The following IQCM variants were observed in gnomAD, a reference collection of about 807,000 sequenced individuals.
IQCM encodes IQ domain-containing protein M.
IQCM carries 45 observed loss-of-function variants against 57.6 expected under a neutral mutation model. That is an observed-to-expected ratio of 0.78 (90% CI 0.62 to 1.00). IQCM has a LOEUF of 1.00. Among genes scored for constraint, IQCM ranks in the 50% least tolerant of loss-of-function variants. The pLI is 0.00. For synonymous variants in IQCM, 148 were observed against 158.9 expected, an observed-to-expected ratio of 0.93 and a Z score of 0.51; for missense variants, 468 against 511.6, an observed-to-expected ratio of 0.91 and a Z score of 0.82.
At chr4:149,447,330 T>C (rs1736622955) in intron 12 of IQCM, among the ~76,000 whole-genome samples, 1 of 151,642 alleles carries the variant, frequency 6.6e-6, no homozygotes, top group South Asian at 2.1e-4. Context: ...CAACTCATAC[T>C]GAGGAGAAAA....
At chr4:149,473,378 T>C (rs1347249122) in intron 12 of IQCM, among the ~76,000 whole-genome samples, 2 of 152,168 alleles carry the variant, frequency 1.3e-5, no homozygotes, top group African/African-American at 4.8e-5. Context: ...GAAAAAATGT[T>C]CATCATCACT....
At chr4:149,421,312 A>T (rs779172439) in intron 13 of IQCM, among the ~76,000 whole-genome samples, 32 of 152,058 alleles carry the variant, frequency 2.1e-4, no homozygotes, top group Admixed American at 5.3e-4. Context: ...TTTTGCACAG[A>T]TATGTGTCGA....
At chr4:149,361,300 AAGAAAACCCCAT>A (rs1729464615) in intron 13 of IQCM, among the ~76,000 whole-genome samples, 1 of 152,186 alleles carries the variant, frequency 6.6e-6, no homozygotes. Flanking sequence ...TGCAATAGAA[AAGAAAACCCCAT>A]TTTCTGGGGA....
chr4:149,552,524 G>C (rs1454228500), intron 11 of IQCM, among the ~76,000 whole-genome samples: 1 of 152,076 alleles, frequency 6.6e-6, no homozygotes, highest in Non-Finnish European at 1.5e-5. Flanking sequence ...GAGATAATTT[G>C]TTCTATGAAT....
intron 10 of IQCM, among the ~76,000 whole-genome samples, chr4:149,560,536 AT>A (rs2149929180): frequency 6.6e-6 from 1 of 152,302 alleles, no homozygotes; most frequent in East Asian, 1.9e-4. Context: ...TGTCTTTATA[AT>A]TTTTAATATC....
At chr4:149,453,802 A>C (rs1302264541) in intron 12 of IQCM, among the ~76,000 whole-genome samples, 1 of 151,826 alleles carries the variant, frequency 6.6e-6, no homozygotes, top group Non-Finnish European at 1.5e-5. Flanking sequence ...TTTGCATAAG[A>C]GTTTGTCGGT....
At chr4:149,357,117 G>A (rs972717532) in intron 13 of IQCM, among the ~76,000 whole-genome samples, 9 of 152,186 alleles carry the variant, frequency 5.9e-5, no homozygotes, top group Non-Finnish European at 1.0e-4. Flanking sequence ...CTTTGCTGAA[G>A]TTGCTTATCA....
At chr4:149,646,183 C>A (rs1423228338) in intron 7 of IQCM, among the ~76,000 whole-genome samples, 4 of 152,254 alleles carry the variant, frequency 2.6e-5, no homozygotes, top group East Asian at 3.9e-4. Context: ...AATAGTTATT[C>A]TTTTATCGAG....
chr4:149,662,379 G>C (rs1346277766), intron 7 of IQCM, among the ~76,000 whole-genome samples: 2 of 152,012 alleles, frequency 1.3e-5, no homozygotes, highest in Non-Finnish European at 2.9e-5. Context: ...CCTGAAGAAT[G>C]TTCCATGTGC....
intron 12 of IQCM, among the ~76,000 whole-genome samples, chr4:149,477,820 G>C (rs1214870128): frequency 6.6e-6 from 1 of 152,036 alleles, no homozygotes; most frequent in East Asian, 1.9e-4. Flanking sequence ...AGGGTATACT[G>C]GGGGGAAAAA....
chr4:149,508,413 C>T (rs1744054351), intron 12 of IQCM, among the ~76,000 whole-genome samples: 1 of 152,142 alleles, frequency 6.6e-6, no homozygotes, highest in Non-Finnish European at 1.5e-5. Flanking sequence ...GCAGAGCTAC[C>T]CAAGACCATG....
chr4:149,735,183 A>C (rs1416428131), intron 4 of IQCM, among the ~76,000 whole-genome samples, 193 bp downstream of exon 4: 1 of 152,174 alleles, frequency 6.6e-6, no homozygotes, highest in Non-Finnish European at 1.5e-5. Flanking sequence ...AATTCATACA[A>C]CTAAAAAATC....
intron 2 of IQCM, among the ~76,000 whole-genome samples, chr4:149,811,989 T>C (rs1774608414): frequency 6.6e-6 from 1 of 152,224 alleles, no homozygotes; most frequent in Admixed American, 6.5e-5. Context: ...AAGGGCCTTC[T>C]AAGAGTTCCT....
intron 12 of IQCM, among the ~76,000 whole-genome samples, chr4:149,458,270 A>T: frequency 6.6e-6 from 1 of 152,052 alleles, no homozygotes; most frequent in East Asian, 1.9e-4. Flanking sequence ...ACCAACAAAG[A>T]ATGTAAAAGG....
Position 149,742,697 on chromosome 4 carries a change from G to A in IQCM, c.-6C>T. 1 of 1,231,130 alleles carries A rather than the reference G, an allele frequency of 8.1e-7. No individual in the cohort carries two copies. The highest frequency in any genetic ancestry group is 1.0e-6 in the Non-Finnish European group (1 of 987,194). 76.3% of individuals were successfully genotyped at this position (1,231,130 alleles called of 1,614,324 possible). ...ATAGCCTCTTCAGTAGTCATGAGGGGCAGTTAGAATGATCTTCTTTTTTAA... is the reference window on the plus strand; with the variant it reads ...ATAGCCTCTTCAGTAGTCATGAGGGACAGTTAGAATGATCTTCTTTTTTAA... On this transcript the variant is annotated 5_prime_UTR_variant, in exon 3 of 14. Coordinates refer to ENST00000636793, the MANE Select transcript of IQCM (RefSeq NM_001363507.2).
intron 7 of IQCM, among the ~76,000 whole-genome samples, chr4:149,653,669 A>T (rs889950281): frequency 6.6e-6 from 1 of 152,106 alleles, no homozygotes; most frequent in African/African-American, 2.4e-5. Context: ...TAAATTTTTA[A>T]ATCGGATATC....
intron 2 of IQCM, among the ~76,000 whole-genome samples, chr4:149,803,557 T>C (rs969882277): frequency 6.6e-6 from 1 of 152,028 alleles, no homozygotes; most frequent in African/African-American, 2.4e-5. Context: ...CAGTTGAGTC[T>C]GATTCTGATG....
chr4:149,396,319 C>T, intron 13 of IQCM, among the ~76,000 whole-genome samples: 1 of 151,384 alleles, frequency 6.6e-6, no homozygotes, highest in African/African-American at 2.4e-5. Context: ...TACAGGTATA[C>T]ATATACATAC....
At chr4:149,666,970 A>C (rs1044174759) in intron 7 of IQCM, among the ~76,000 whole-genome samples, 1 of 152,130 alleles carries the variant, frequency 6.6e-6, no homozygotes. Context: ...GGGACAGAGC[A>C]CCTGGGGGAA....
Sources: allele counts gnomAD v4.1 joint callset (sites outside exome capture counted in the v4.1 genomes callset), GRCh38; gene constraint gnomAD v4.1.1; transcripts MANE v1.5; gene names NCBI Gene and HGNC (gene_info 2026-07-23, HGNC 2026-07-21).